Variants in ATP9B observed in about 807,000 individuals in gnomAD.
The protein encoded by ATP9B is ATPase phospholipid transporting 9B, also known as probable phospholipid-transporting ATPase IIB.
In ATP9B, 110 loss-of-function variants were observed where a neutral mutation model predicts 146.1. That is an observed-to-expected ratio of 0.75 (90% CI 0.65 to 0.88). The LOEUF is 0.88. ATP9B is among the 40% of genes least tolerant of loss of function. The probability of loss-of-function intolerance (pLI) is 0.00; values close to 1 mark genes in which losing one functional copy is unlikely to be tolerated. For missense variants in ATP9B, 1,499 were observed against 1,496.4 expected (o/e 1.00, Z -0.03); for synonymous variants, 604 against 569.7 (o/e 1.06, Z -0.86).
intron 14 of ATP9B, 97 bp downstream of exon 14, chr18:79,303,813 C>A: frequency 1.3e-6 from 1 of 760,426 alleles, no homozygotes; most frequent in Non-Finnish European, 2.1e-6. Flanking sequence ...AATTAGCACG[C>A]TTCTTGGTGG....
At chr18:79,228,713 G>T (rs770449400) in intron 11 of ATP9B, among the ~76,000 whole-genome samples, 1 of 152,128 alleles carries the variant, frequency 6.6e-6, no homozygotes, top group Non-Finnish European at 1.5e-5. Context: ...TTTTTCTAAA[G>T]TAACCTCAAA....
intron 8 of ATP9B, among the ~76,000 whole-genome samples, chr18:79,183,025 C>T (rs2148017539): frequency 6.6e-6 from 1 of 152,314 alleles, no homozygotes; most frequent in African/African-American, 2.4e-5. Flanking sequence ...GCCATCAGAG[C>T]ATTTTGGTAT....
intron 20 of ATP9B, among the ~76,000 whole-genome samples, chr18:79,343,098 C>A (rs1318614795): frequency 6.6e-6 from 1 of 152,168 alleles, no homozygotes; most frequent in Non-Finnish European, 1.5e-5. Flanking sequence ...ATCGCTTGCA[C>A]CTACAGAAGG....
chr18:79,195,286 C>T (rs750842150), intron 9 of ATP9B, among the ~76,000 whole-genome samples: 5 of 152,066 alleles, frequency 3.3e-5, no homozygotes, highest in Non-Finnish European at 5.9e-5. Context: ...CTTGCTGTCT[C>T]GCCCAGGCTA....
chr18:79,325,941 G>A (rs905686939), intron 15 of ATP9B, among the ~76,000 whole-genome samples: 5 of 142,414 alleles, frequency 3.5e-5, no homozygotes, highest in Non-Finnish European at 6.1e-5. Flanking sequence ...CCCCTCACAT[G>A]GTGTTAGGGT....
At position 79,288,274 on chromosome 18, in the gene ATP9B, G is replaced by GGACTTGCTTTAT; in HGVS notation, c.1411+11081_1411+11092dup. On this transcript the variant is annotated intron_variant, in intron 13 of 29. Coordinates refer to ENST00000426216, the MANE Select transcript of ATP9B (RefSeq NM_198531.5). ...TCTAAGTCTCTTTGTAGGTCACTCA[G>GGACTTGCTTTAT]GACTTGCTTTATGAATCTGGGTGCT... is the stretch of plus-strand genomic sequence containing the variant. Among the ~76,000 whole-genome samples, 3 of 150,698 alleles carry GGACTTGCTTTAT rather than the reference G, an allele frequency of 2.0e-5. No homozygotes were observed. The South Asian group carries it at 6.3e-4, about 32-fold the overall frequency.
chr18:79,231,803 T>TATATATATACACAC (rs569726473), intron 11 of ATP9B, among the ~76,000 whole-genome samples: 19 of 114,760 alleles, frequency 1.7e-4, no homozygotes, highest in East Asian at 1.1e-3. Flanking sequence ...TATATATATA[T>TATATATATACACAC]ACACACACAC....
Position 79,359,438 on chromosome 18 carries a change from G to C in ATP9B, c.2988G>C (p.Pro996=). The part of the protein sequence containing the change: ...DVKPEMAMLY[P]ELYKDLTKGR... ...AGCCAGAGATGGCGATGCTCTACCC[G>C]GAGCTGTACAAGGACCTCACCAAGG... Residue 996 remains proline, a synonymous_variant, in exon 26 of 30, where the codon CCG becomes CCC. Transcript: ENST00000426216. The C allele has an allele frequency of 6.2e-7, 1 of 1,613,866 alleles. No homozygotes were observed. The highest frequency in any genetic ancestry group is 8.5e-7 in the Non-Finnish European group (1 of 1,179,826).
At chr18:79,292,714 G>A (rs923928932) in intron 13 of ATP9B, among the ~76,000 whole-genome samples, 1 of 151,470 alleles carries the variant, frequency 6.6e-6, no homozygotes, top group Non-Finnish European at 1.5e-5. Flanking sequence ...GGGCTGCAGA[G>A]TGGGGGGTGG....
At chr18:79,139,263 A>T (rs2094485063) in intron 5 of ATP9B, among the ~76,000 whole-genome samples, 1 of 152,174 alleles carries the variant, frequency 6.6e-6, no homozygotes, top group East Asian at 1.9e-4. Flanking sequence ...AAATGGGTTA[A>T]TTTTTTATAG....
intron 12 of ATP9B, among the ~76,000 whole-genome samples, chr18:79,274,445 A>G (rs958562901): frequency 1.5e-4 from 23 of 152,184 alleles, no homozygotes; most frequent in African/African-American, 5.1e-4. Context: ...GTGTTGTTAT[A>G]TACTCCTTAT....
chr18:79,278,315 A>G (rs952777006), intron 13 of ATP9B, among the ~76,000 whole-genome samples: 2 of 152,148 alleles, frequency 1.3e-5, no homozygotes, highest in Non-Finnish European at 2.9e-5. Flanking sequence ...CTCGAACTCG[A>G]TGGTGGTGCA....
At chr18:79,169,137 G>T (rs1268310004) in intron 7 of ATP9B, among the ~76,000 whole-genome samples, 1 of 152,050 alleles carries the variant, frequency 6.6e-6, no homozygotes, top group Non-Finnish European at 1.5e-5. Flanking sequence ...TTCTATGACG[G>T]GTCCCTCAAG....
At chr18:79,085,282 C>T (rs1599410071) in intron 1 of ATP9B, 2 of 152,226 alleles carry the variant, frequency 1.3e-5, no homozygotes, top group Non-Finnish European at 2.9e-5. Flanking sequence ...GATTCAGTAT[C>T]TCCCACTAGG....
At chr18:79,281,419 C>T (rs1215614492) in intron 13 of ATP9B, among the ~76,000 whole-genome samples, 1 of 151,980 alleles carries the variant, frequency 6.6e-6, no homozygotes, top group East Asian at 1.9e-4. Context: ...ATCACTTGAA[C>T]CTAGGAGGCG....
intron 1 of ATP9B, among the ~76,000 whole-genome samples, chr18:79,082,199 A>G (rs867666796): frequency 1.8e-4 from 28 of 152,202 alleles, no homozygotes; most frequent in African/African-American, 6.0e-4. Context: ...TGATTTGGCT[A>G]TTGATACTTG....
chr18:79,107,030 ATT>A (rs1486403166), intron 2 of ATP9B, among the ~76,000 whole-genome samples: 3 of 152,178 alleles, frequency 2.0e-5, no homozygotes, highest in Non-Finnish European at 2.9e-5. Flanking sequence ...TTCATTTTGA[ATT>A]TGTCTGACTT....
At chr18:79,222,266 A>G (rs114983227) in intron 11 of ATP9B, among the ~76,000 whole-genome samples, 1,647 of 152,164 alleles carry the variant, frequency 0.011, 23 homozygotes, top group African/African-American at 0.029. Flanking sequence ...GGCTGAGGCA[A>G]GAGAGTTGCT....
At chr18:79,217,239 C>T (rs1172279472) in intron 11 of ATP9B, among the ~76,000 whole-genome samples, 1 of 152,198 alleles carries the variant, frequency 6.6e-6, no homozygotes, top group African/African-American at 2.4e-5. Flanking sequence ...GGCTGGAGTG[C>T]GGTGGCGCAA....
Sources: allele counts gnomAD v4.1 joint callset (sites outside exome capture counted in the v4.1 genomes callset), GRCh38; gene constraint gnomAD v4.1.1; transcripts MANE v1.5; gene names NCBI Gene and HGNC (gene_info 2026-07-23, HGNC 2026-07-21).